DACH1: variants seen among roughly 807,000 people sequenced by gnomAD.
The protein encoded by DACH1 is dachshund family transcription factor 1.
DACH1 carries 12 observed loss-of-function variants against 54.2 expected under a neutral mutation model. The observed-to-expected ratio is 0.22, with a 90% confidence interval of 0.14 to 0.36. The LOEUF is 0.36. Among genes scored for constraint, DACH1 ranks in the 10% least tolerant of loss-of-function variants. The pLI is 1.00. For synonymous variants in DACH1, 386 were observed against 366.2 expected, an observed-to-expected ratio of 1.05 and a Z score of -0.62; for missense variants, 805 against 929.8, an observed-to-expected ratio of 0.87 and a Z score of 1.75.
intron 6 of DACH1, among the ~76,000 whole-genome samples, chr13:71,555,416 T>C (rs1488058124): frequency 6.6e-6 from 1 of 152,026 alleles, no homozygotes; most frequent in East Asian, 1.9e-4. Flanking sequence ...CGATCTCGGC[T>C]TACTGCAACC....
intron 1 of DACH1, among the ~76,000 whole-genome samples, chr13:71,709,009 T>C (rs561961179): frequency 1.8e-4 from 27 of 151,860 alleles, no homozygotes; most frequent in Admixed American, 1.2e-3. Flanking sequence ...CCCGCCACCA[T>C]GCCCGACTAA....
At chr13:71,452,568 T>A (rs1233901983) in intron 10 of DACH1, among the ~76,000 whole-genome samples, 1 of 152,220 alleles carries the variant, frequency 6.6e-6, no homozygotes, top group Non-Finnish European at 1.5e-5. Flanking sequence ...GTTTCACTGG[T>A]CATACGGACA....
chr13:71,540,552 G>T (rs1883065752), intron 6 of DACH1, among the ~76,000 whole-genome samples: 1 of 151,998 alleles, frequency 6.6e-6, no homozygotes, highest in African/African-American at 2.4e-5. Flanking sequence ...TTATATGTGG[G>T]TTATCACAGA....
At chr13:71,779,737 G>A (rs1224955678) in intron 1 of DACH1, among the ~76,000 whole-genome samples, 1 of 151,734 alleles carries the variant, frequency 6.6e-6, no homozygotes, top group Non-Finnish European at 1.5e-5. Context: ...TCTCTTCTTT[G>A]ACATCTTCAA....
At chr13:71,667,745 CTTAAT>C in intron 2 of DACH1, among the ~76,000 whole-genome samples, 1 of 152,126 alleles carries the variant, frequency 6.6e-6, no homozygotes. Context: ...TATCCTTAAA[CTTAAT>C]TTATTCAATA....
intron 3 of DACH1, among the ~76,000 whole-genome samples, chr13:71,619,230 A>T (rs1370081029): frequency 1.3e-5 from 2 of 151,998 alleles, no homozygotes; most frequent in Non-Finnish European, 2.9e-5. Flanking sequence ...AATGTACTGC[A>T]GAGAGCAAAG....
chr13:71,775,180 G>A (rs1886016326), intron 1 of DACH1, among the ~76,000 whole-genome samples: 2 of 112,976 alleles, frequency 1.8e-5, no homozygotes, highest in Admixed American at 2.7e-4. Context: ...GTGCTCGCCT[G>A]TAATCCTACC....
intron 1 of DACH1, among the ~76,000 whole-genome samples, chr13:71,774,965 A>G (rs1239071008): frequency 6.6e-6 from 1 of 151,834 alleles, no homozygotes; most frequent in Non-Finnish European, 1.5e-5. Context: ...TTGCTTACCA[A>G]AAGATATCAC....
chr13:71,530,146 T>C (rs1054003978), intron 6 of DACH1, among the ~76,000 whole-genome samples: 6 of 152,142 alleles, frequency 3.9e-5, no homozygotes, highest in South Asian at 2.1e-4. Flanking sequence ...AACACCATCA[T>C]TGAAAATATG....
Position 71,557,013 on chromosome 13 carries a change from T to C in DACH1, c.1570+11A>G. ...ATCGGGAAAAACAAGGAATATATAA[T>C]CATACATTACCTTTTTCAATATGCA... On this transcript the variant is annotated intron_variant, in intron 6 of 10. Coordinates refer to ENST00000613252, the MANE Select transcript of DACH1 (RefSeq NM_080759.6). The C allele has an allele frequency of 6.3e-7, 1 of 1,589,124 alleles. No homozygotes were observed. The highest frequency in any genetic ancestry group is 8.5e-7 in the Non-Finnish European group (1 of 1,170,282).
chr13:71,845,218 T>C (rs1249102082), intron 1 of DACH1, among the ~76,000 whole-genome samples: 2 of 152,150 alleles, frequency 1.3e-5, no homozygotes, highest in Non-Finnish European at 2.9e-5. Flanking sequence ...CCCATAAATA[T>C]GTGCAATTGT....
intron 4 of DACH1, among the ~76,000 whole-genome samples, chr13:71,567,880 T>G (rs1029754377): frequency 6.6e-6 from 1 of 152,024 alleles, no homozygotes; most frequent in Non-Finnish European, 1.5e-5. Context: ...CATTGTGAAT[T>G]TATTAAATAA....
intron 3 of DACH1, among the ~76,000 whole-genome samples, chr13:71,613,932 C>T (rs1448525594): frequency 6.6e-6 from 1 of 151,950 alleles, no homozygotes; most frequent in African/African-American, 2.4e-5. Flanking sequence ...GGCTGGGCTC[C>T]TGCCTTGGCT....
chr13:71,811,423 G>A (rs1296373881), intron 1 of DACH1, among the ~76,000 whole-genome samples: 1 of 152,096 alleles, frequency 6.6e-6, no homozygotes, highest in African/African-American at 2.4e-5. Context: ...ACTTCCAGAT[G>A]TTAGATATGG....
At chr13:71,681,540 A>T (rs192779843) in intron 2 of DACH1, among the ~76,000 whole-genome samples, 3 of 152,278 alleles carry the variant, frequency 2.0e-5, no homozygotes, top group Non-Finnish European at 2.9e-5. Flanking sequence ...TAATAATTTG[A>T]TGTTTGATAT....
chr13:71,841,341 AT>A (rs1872829472), intron 1 of DACH1, among the ~76,000 whole-genome samples: 2 of 152,002 alleles, frequency 1.3e-5, no homozygotes, highest in Admixed American at 1.3e-4. Context: ...TGACATAATA[AT>A]TGCACACAGG....
intron 2 of DACH1, among the ~76,000 whole-genome samples, chr13:71,640,159 C>T (rs1257250183): frequency 6.6e-6 from 1 of 151,962 alleles, no homozygotes; most frequent in Admixed American, 6.6e-5. Context: ...AAGAAAAGTA[C>T]AGAAGACAGT....
At chr13:71,761,096 G>GA (rs906787258) in intron 1 of DACH1, among the ~76,000 whole-genome samples, 94 of 142,010 alleles carry the variant, frequency 6.6e-4, no homozygotes, top group South Asian at 9.0e-4. Context: ...TTAATAATTT[G>GA]AAAAAAAAAA....
chr13:71,675,337 G>A (rs1880496438), intron 2 of DACH1: 1 of 1,586,166 alleles, frequency 6.3e-7, no homozygotes, highest in Non-Finnish European at 8.6e-7. Flanking sequence ...AGCTATCGGT[G>A]CTTTGCAGGA....
Sources: allele counts gnomAD v4.1 joint callset (sites outside exome capture counted in the v4.1 genomes callset), GRCh38; gene constraint gnomAD v4.1.1; transcripts MANE v1.5; gene names NCBI Gene and HGNC (gene_info 2026-07-23, HGNC 2026-07-21).